Variants in PABPC4L observed in about 807,000 individuals in gnomAD.
PABPC4L encodes polyadenylate-binding protein 4-like.
For missense variants in PABPC4L, 452 were observed against 451.4 expected (o/e 1.00, Z -0.01); for synonymous variants, 169 against 164.1 (o/e 1.03, Z -0.23).
chr4:134,081,755 C>T, the PABPC4L span, among the ~76,000 whole-genome samples: 1 of 151,930 alleles, frequency 6.6e-6, no homozygotes, highest in Non-Finnish European at 1.5e-5. Flanking sequence ...AACCAACTAA[C>T]CAAAAAAACA....
chr4:134,125,883 T>C, the PABPC4L span, among the ~76,000 whole-genome samples: 376 of 152,176 alleles, frequency 2.5e-3, 2 homozygotes, highest in African/African-American at 8.4e-3. Context: ...CACACACACA[T>C]ATACATTCAC....
the PABPC4L span, among the ~76,000 whole-genome samples, chr4:134,078,842 T>A: frequency 6.6e-6 from 1 of 151,366 alleles, no homozygotes; most frequent in Non-Finnish European, 1.5e-5. Flanking sequence ...TTTTTTCTTT[T>A]TTTTTAGTCG....
At chr4:134,171,688 T>C in the PABPC4L span, among the ~76,000 whole-genome samples, 3 of 151,994 alleles carry the variant, frequency 2.0e-5, no homozygotes, top group African/African-American at 7.3e-5. Flanking sequence ...GGCAAAGAAA[T>C]GAAAGGCATC....
chr4:134,036,840 G>C, the PABPC4L span, among the ~76,000 whole-genome samples: 1 of 152,024 alleles, frequency 6.6e-6, no homozygotes, highest in South Asian at 2.1e-4. Flanking sequence ...CAGTTCACTT[G>C]ATGTCAGGAG....
chr4:134,183,250 T>C, the PABPC4L span, among the ~76,000 whole-genome samples: 2 of 151,884 alleles, frequency 1.3e-5, no homozygotes, highest in Admixed American at 1.3e-4. Flanking sequence ...ATATGGTACC[T>C]ATACACAATG....
At chr4:134,057,423 G>C in the PABPC4L span, among the ~76,000 whole-genome samples, 1 of 151,942 alleles carries the variant, frequency 6.6e-6, no homozygotes, top group Non-Finnish European at 1.5e-5. Context: ...GATGAAAGTC[G>C]GACTGTTCAC....
At chr4:134,123,517 T>A in the PABPC4L span, among the ~76,000 whole-genome samples, 3 of 152,064 alleles carry the variant, frequency 2.0e-5, no homozygotes, top group Admixed American at 1.3e-4. Flanking sequence ...GAAAGTGCCA[T>A]GAGCATCGAT....
the PABPC4L span, among the ~76,000 whole-genome samples, chr4:134,004,134 G>C: frequency 1.3e-5 from 2 of 151,696 alleles, no homozygotes; most frequent in East Asian, 3.9e-4. Flanking sequence ...AGCAAAAATA[G>C]ACAAATATGA....
chr4:134,011,488 A>T, the PABPC4L span, among the ~76,000 whole-genome samples: 4 of 152,280 alleles, frequency 2.6e-5, no homozygotes, highest in South Asian at 8.3e-4. Context: ...AGAGAAAAAT[A>T]ATCTCAACAT....
At chr4:134,045,994 G>C in the PABPC4L span, among the ~76,000 whole-genome samples, 2 of 152,002 alleles carry the variant, frequency 1.3e-5, no homozygotes, top group Non-Finnish European at 2.9e-5. Flanking sequence ...AACTGAAGGG[G>C]GCCAGCACCT....
chr4:134,073,325 A>G, the PABPC4L span, among the ~76,000 whole-genome samples: 719 of 152,326 alleles, frequency 4.7e-3, 9 homozygotes, highest in African/African-American at 0.016. Flanking sequence ...TAGGTCACCC[A>G]TTAAATCTTA....
chr4:133,960,474 G>A, the PABPC4L span, among the ~76,000 whole-genome samples: 2 of 152,134 alleles, frequency 1.3e-5, no homozygotes, highest in African/African-American at 4.8e-5. Context: ...GGATCCTTAG[G>A]GTGTGTGGCC....
At chr4:134,017,248 A>G in the PABPC4L span, among the ~76,000 whole-genome samples, 1 of 152,150 alleles carries the variant, frequency 6.6e-6, no homozygotes, top group Non-Finnish European at 1.5e-5. Flanking sequence ...AAAAAGGACT[A>G]CACAATACTT....
the PABPC4L span, among the ~76,000 whole-genome samples, chr4:134,069,332 G>A: frequency 6.6e-6 from 1 of 151,988 alleles, no homozygotes; most frequent in Non-Finnish European, 1.5e-5. Context: ...TATCTCAGAG[G>A]GGTTCTCTGC....
the PABPC4L span, among the ~76,000 whole-genome samples, chr4:134,079,578 CAAAAAAAAAAAAAA>C: frequency 4.4e-4 from 40 of 90,686 alleles, no homozygotes; most frequent in Non-Finnish European, 6.9e-4. Flanking sequence ...GACTTCCTCT[CAAAAAAAAAAAAAA>C]AAAAAAAAAA....
At chr4:134,022,102 G>A in the PABPC4L span, among the ~76,000 whole-genome samples, 4 of 152,020 alleles carry the variant, frequency 2.6e-5, no homozygotes, top group Non-Finnish European at 5.9e-5. Context: ...AGTTACTTTT[G>A]ATAGGTTACA....
the PABPC4L span, among the ~76,000 whole-genome samples, chr4:134,069,934 T>C: frequency 6.6e-6 from 1 of 151,608 alleles, no homozygotes; most frequent in Non-Finnish European, 1.5e-5. Context: ...TAGTTTTTTC[T>C]CATCTGTGTG....
chr4:134,164,131 C>A, the PABPC4L span, among the ~76,000 whole-genome samples: 1 of 149,570 alleles, frequency 6.7e-6, no homozygotes, highest in Non-Finnish European at 1.5e-5. Context: ...GGCGTAGTGG[C>A]GGGCGCCTGT....
the PABPC4L span, among the ~76,000 whole-genome samples, chr4:134,091,974 T>C: frequency 2.0e-5 from 3 of 152,078 alleles, no homozygotes; most frequent in Non-Finnish European, 4.4e-5. Flanking sequence ...GTACTGTTTT[T>C]AGGAGCTTTA....
Sources: allele counts gnomAD v4.1 joint callset (sites outside exome capture counted in the v4.1 genomes callset), GRCh38; gene constraint gnomAD v4.1.1; transcripts MANE v1.5; gene names NCBI Gene and HGNC (gene_info 2026-07-23, HGNC 2026-07-21).